The following NCOA2 variants were observed in gnomAD, a reference collection of about 807,000 sequenced individuals.
NCOA2 encodes class E basic helix-loop-helix protein 75.
In NCOA2, 21 loss-of-function variants were observed where a neutral mutation model predicts 145.1. The observed-to-expected ratio is 0.14, with a 90% confidence interval of 0.10 to 0.21. The LOEUF (loss-of-function observed/expected upper bound fraction) is 0.21. Ranked by LOEUF, NCOA2 falls within the 10% of genes least tolerant of loss-of-function variation. NCOA2 has a pLI of 1.00. For missense variants in NCOA2, 1,472 were observed against 1,837.6 expected, an observed-to-expected ratio of 0.80 and a Z score of 3.64; for synonymous variants, 619 against 637.5, an observed-to-expected ratio of 0.97 and a Z score of 0.44.
At chr8:70,401,273 A>G (rs1415105058) in intron 1 of NCOA2, among the ~76,000 whole-genome samples, 1 of 152,160 alleles carries the variant, frequency 6.6e-6, no homozygotes, top group East Asian at 1.9e-4. Context: ...AACAGTTAAA[A>G]CCAAAGATGT....
At chr8:70,315,999 C>T (rs567566204) in intron 1 of NCOA2, among the ~76,000 whole-genome samples, 2 of 152,290 alleles carry the variant, frequency 1.3e-5, no homozygotes, top group East Asian at 3.9e-4. Flanking sequence ...AAGAAAATTC[C>T]TAAAGGAACA....
At chr8:70,265,884 G>A (rs769010989) in intron 2 of NCOA2, among the ~76,000 whole-genome samples, 16 of 152,014 alleles carry the variant, frequency 1.1e-4, no homozygotes, top group Non-Finnish European at 1.8e-4. Context: ...GGTGGCTCAC[G>A]CCTGTAATCC....
chr8:70,320,967 A>G (rs565096626), intron 1 of NCOA2, among the ~76,000 whole-genome samples: 2 of 152,142 alleles, frequency 1.3e-5, no homozygotes, highest in South Asian at 4.1e-4. Context: ...TTATTATCAC[A>G]CTGATTAAAT....
the NCOA2 span, among the ~76,000 whole-genome samples, chr8:70,455,254 T>C: frequency 6.6e-6 from 1 of 152,228 alleles, no homozygotes; most frequent in Non-Finnish European, 1.5e-5. Context: ...GTTTCTTGGG[T>C]TGGCTCTGAA....
At chr8:70,160,875 TGTGA>T (rs1812916725) in intron 9 of NCOA2, among the ~76,000 whole-genome samples, 1 of 152,228 alleles carries the variant, frequency 6.6e-6, no homozygotes, top group Admixed American at 6.5e-5. Context: ...TTACTGAACA[TGTGA>T]GTATCTTGCT....
chr8:70,282,516 T>C (rs1006536487), intron 2 of NCOA2, among the ~76,000 whole-genome samples: 13 of 151,982 alleles, frequency 8.6e-5, no homozygotes, highest in Admixed American at 2.6e-4. Flanking sequence ...TGAAACCCCA[T>C]CTCTACCAAA....
At chr8:70,377,423 A>G (rs1316956298) in intron 1 of NCOA2, among the ~76,000 whole-genome samples, 2 of 152,188 alleles carry the variant, frequency 1.3e-5, no homozygotes, top group Non-Finnish European at 2.9e-5. Context: ...TATTTAGTAC[A>G]TTACATTTTT....
Position 70,352,023 on chromosome 8 carries a change from A to C in NCOA2, c.-77+51677T>G, listed in dbSNP as rs541428560. Reference sequence around the variant, plus strand: ...ATCTTTTACAATTATGCTTTTTTTCAATTTTTCAAAAGGTCACAAGGAATT... The same window carrying C: ...ATCTTTTACAATTATGCTTTTTTTCCATTTTTCAAAAGGTCACAAGGAATT... On this transcript the variant is annotated intron_variant, in intron 1 of 22. Coordinates refer to ENST00000452400, the MANE Select transcript of NCOA2 (RefSeq NM_006540.4). Among the ~76,000 whole-genome samples, 3 of 151,950 alleles carry C rather than the reference A, an allele frequency of 2.0e-5. No individual in the cohort carries two copies. The South Asian group carries it at 6.2e-4, about 32-fold the overall frequency.
chr8:70,272,651 C>G (rs1455781612), intron 2 of NCOA2, among the ~76,000 whole-genome samples: 1 of 151,930 alleles, frequency 6.6e-6, no homozygotes, highest in African/African-American at 2.4e-5. Flanking sequence ...GAGGGAACAC[C>G]AGAAAAATGA....
At chr8:70,241,967 A>G (rs903664504) in intron 2 of NCOA2, among the ~76,000 whole-genome samples, 1 of 152,194 alleles carries the variant, frequency 6.6e-6, no homozygotes, top group African/African-American at 2.4e-5. Context: ...ATAAAAATGG[A>G]CATTTTCACA....
intron 17 of NCOA2, 36 bp downstream of exon 17, chr8:70,128,666 C>A (rs1228118390): frequency 6.2e-7 from 1 of 1,607,166 alleles, no homozygotes; most frequent in Non-Finnish European, 8.5e-7. Context: ...CTCCACCCAG[C>A]ACCCCTGACT....
At chr8:70,356,828 A>C (rs984199512) in intron 1 of NCOA2, among the ~76,000 whole-genome samples, 1 of 152,218 alleles carries the variant, frequency 6.6e-6, no homozygotes, top group Non-Finnish European at 1.5e-5. Flanking sequence ...TCATTTAGCT[A>C]CCAAAATATT....
intron 1 of NCOA2, among the ~76,000 whole-genome samples, chr8:70,322,477 C>T (rs571974792): frequency 6.6e-6 from 1 of 152,240 alleles, no homozygotes; most frequent in East Asian, 1.9e-4. Flanking sequence ...TGAATATTTA[C>T]TAGTATTATA....
intron 2 of NCOA2, among the ~76,000 whole-genome samples, chr8:70,249,963 CAAAA>C (rs747018939): frequency 5.3e-5 from 4 of 75,240 alleles, no homozygotes; most frequent in African/African-American, 5.6e-5. Flanking sequence ...AATCTGCCTC[CAAAA>C]AAAAAAAAAA....
rs981065157 is a variant in NCOA2, at chr8:70,376,913, C to G, written c.-77+26787G>C. On this transcript the variant is annotated intron_variant, in intron 1 of 22. Coordinates refer to ENST00000452400, the MANE Select transcript of NCOA2 (RefSeq NM_006540.4). ...ATAGTCACTGATGATGCCAGAGCTC[C>G]GCTGGCCTGTACTTGACCCCTGGAG... Among the ~76,000 whole-genome samples, 6 of 152,188 alleles carry G rather than the reference C, an allele frequency of 3.9e-5. No homozygotes were observed. In the South Asian group the frequency reaches 1.0e-3, roughly 26 times the overall value.
intron 1 of NCOA2, among the ~76,000 whole-genome samples, chr8:70,349,412 CAA>C (rs1226062334): frequency 2.0e-5 from 3 of 151,968 alleles, no homozygotes; most frequent in Non-Finnish European, 4.4e-5. Context: ...AAAATTATCT[CAA>C]GTTAAATTTA....
At chr8:70,153,968 G>A (rs974123453) in intron 11 of NCOA2, among the ~76,000 whole-genome samples, 6 of 152,136 alleles carry the variant, frequency 3.9e-5, no homozygotes, top group African/African-American at 1.4e-4. Context: ...AGCAGCTGTC[G>A]AGACATCAAA....
At chr8:70,304,908 G>A (rs1422858685) in intron 1 of NCOA2, among the ~76,000 whole-genome samples, 6 of 149,388 alleles carry the variant, frequency 4.0e-5, no homozygotes, top group Non-Finnish European at 4.4e-5. Flanking sequence ...TCAGGCTGGA[G>A]TGCTGTGGTG....
chr8:70,245,990 A>G (rs2134588096), intron 2 of NCOA2, among the ~76,000 whole-genome samples: 1 of 152,274 alleles, frequency 6.6e-6, no homozygotes, highest in South Asian at 2.1e-4. Flanking sequence ...ATATATCCTT[A>G]TTAAGTAATT....
Sources: allele counts gnomAD v4.1 joint callset (sites outside exome capture counted in the v4.1 genomes callset), GRCh38; gene constraint gnomAD v4.1.1; transcripts MANE v1.5; gene names NCBI Gene and HGNC (gene_info 2026-07-23, HGNC 2026-07-21).